The following SMIM10L3 variants were observed in gnomAD, a reference collection of about 807,000 sequenced individuals.
SMIM10L3 encodes small integral membrane protein 10 like 3.
At chr7:6,347,413 G>A in the SMIM10L3 span, among the ~76,000 whole-genome samples, 1 of 152,084 alleles carries the variant, frequency 6.6e-6, no homozygotes, top group Admixed American at 6.6e-5. Flanking sequence ...CTACTCAGGA[G>A]GCTGAGTCAG....
At chr7:6,333,425 G>C in the SMIM10L3 span, among the ~76,000 whole-genome samples, 21 of 152,110 alleles carry the variant, frequency 1.4e-4, no homozygotes, top group Non-Finnish European at 3.1e-4. Flanking sequence ...TAGTTAGGAG[G>C]CTGTTCCACA....
At chr7:6,334,758 G>A in the SMIM10L3 span, among the ~76,000 whole-genome samples, 654 of 148,964 alleles carry the variant, frequency 4.4e-3, 2 homozygotes, top group African/African-American at 0.016. Context: ...GAGCCACCAC[G>A]CCCAGCCTGG....
the SMIM10L3 span, among the ~76,000 whole-genome samples, chr7:6,336,700 C>T: frequency 6.7e-6 from 1 of 149,830 alleles, no homozygotes; most frequent in Admixed American, 6.7e-5. Context: ...AAAAAAAAAG[C>T]TGGAGTGCAA....
the SMIM10L3 span, among the ~76,000 whole-genome samples, chr7:6,345,985 T>C: frequency 6.6e-6 from 1 of 152,146 alleles, no homozygotes; most frequent in African/African-American, 2.4e-5. Context: ...TCCAGGCTGG[T>C]CTTAAACTCC....
chr7:6,335,971 G>A, the SMIM10L3 span, among the ~76,000 whole-genome samples: 4 of 152,000 alleles, frequency 2.6e-5, no homozygotes, highest in Admixed American at 2.0e-4. Flanking sequence ...ACAGGAGTTC[G>A]AGATCAGCCT....
chr7:6,346,169 C>T, the SMIM10L3 span, among the ~76,000 whole-genome samples: 2 of 152,032 alleles, frequency 1.3e-5, no homozygotes, highest in African/African-American at 2.4e-5. Flanking sequence ...CCCCTATTTT[C>T]GAAGGTGGTA....
the SMIM10L3 span, among the ~76,000 whole-genome samples, chr7:6,338,936 C>T: frequency 6.6e-6 from 1 of 152,150 alleles, no homozygotes; most frequent in Non-Finnish European, 1.5e-5. Context: ...CTCACACACG[C>T]TCCCAGATGG....
chr7:6,343,678 A>C, the SMIM10L3 span, among the ~76,000 whole-genome samples: 2 of 151,932 alleles, frequency 1.3e-5, no homozygotes, highest in Non-Finnish European at 2.9e-5. Context: ...AGTATTTTAA[A>C]ATCATAACCA....
At chr7:6,333,192 A>C in the SMIM10L3 span, among the ~76,000 whole-genome samples, 1 of 151,918 alleles carries the variant, frequency 6.6e-6, no homozygotes, top group South Asian at 2.1e-4. Flanking sequence ...CAAAAAACAA[A>C]AAAACACTGG....
the SMIM10L3 span, chr7:6,348,773 T>TCCCACAGC: frequency 2.5e-6 from 1 of 397,932 alleles, no homozygotes; most frequent in Non-Finnish European, 4.4e-6. Flanking sequence ...AGACCGGCGC[T>TCCCACAGC]CCCACAGCCC....
chr7:6,348,669 G>C, the SMIM10L3 span: 1 of 509,482 alleles, frequency 2.0e-6, no homozygotes, highest in Non-Finnish European at 3.6e-6. Context: ...TGAGCAGCGT[G>C]CGAGTCAGCC....
At chr7:6,334,922 C>G in the SMIM10L3 span, among the ~76,000 whole-genome samples, 16 of 151,904 alleles carry the variant, frequency 1.1e-4, no homozygotes, top group Non-Finnish European at 1.6e-4. Flanking sequence ...GCATGTGCCA[C>G]CACGCCTGGC....
chr7:6,341,228 A>T, the SMIM10L3 span, among the ~76,000 whole-genome samples: 1 of 151,074 alleles, frequency 6.6e-6, no homozygotes, highest in East Asian at 2.0e-4. Flanking sequence ...GTAGATCAGG[A>T]GGTCAGGAGA....
the SMIM10L3 span, among the ~76,000 whole-genome samples, chr7:6,333,595 C>T: frequency 4.0e-5 from 6 of 151,706 alleles, no homozygotes; most frequent in Admixed American, 6.6e-5. Context: ...AACTTCTGGG[C>T]TCAAGCAATC....
chr7:6,342,702 C>T, the SMIM10L3 span, among the ~76,000 whole-genome samples: 1 of 151,982 alleles, frequency 6.6e-6, no homozygotes, highest in Non-Finnish European at 1.5e-5. Context: ...GTGAAAGCAA[C>T]CCAAAAGTCC....
At chr7:6,333,912 T>C in the SMIM10L3 span, among the ~76,000 whole-genome samples, 3 of 143,234 alleles carry the variant, frequency 2.1e-5, no homozygotes, top group African/African-American at 5.1e-5. Flanking sequence ...AGTGGCGCCA[T>C]CTCAGCTCAC....
chr7:6,339,104 G>C, the SMIM10L3 span, among the ~76,000 whole-genome samples: 1 of 152,176 alleles, frequency 6.6e-6, no homozygotes. Context: ...TCTAAATTAG[G>C]CTGAATCATG....
chr7:6,343,411 T>TAC, the SMIM10L3 span, among the ~76,000 whole-genome samples: 1 of 50,504 alleles, frequency 2.0e-5, no homozygotes, highest in Non-Finnish European at 4.0e-5. Flanking sequence ...TATATATATA[T>TAC]ATATATATAT....
chr7:6,339,491 T>A, the SMIM10L3 span, among the ~76,000 whole-genome samples: 4 of 138,648 alleles, frequency 2.9e-5, no homozygotes, highest in Non-Finnish European at 6.5e-5. Flanking sequence ...CCTTTTTTTG[T>A]TTTTTTTTTT....
Sources: allele counts gnomAD v4.1 joint callset (sites outside exome capture counted in the v4.1 genomes callset), GRCh38; gene constraint gnomAD v4.1.1; transcripts MANE v1.5; gene names NCBI Gene and HGNC (gene_info 2026-07-23, HGNC 2026-07-21).